The following ELAVL3 variants were observed in gnomAD, a reference collection of about 807,000 sequenced individuals.
ELAVL3 encodes the protein ELAV-like protein 3.
In ELAVL3, 8 loss-of-function variants were observed where a neutral mutation model predicts 34.2. The observed-to-expected ratio is 0.23, with a 90% confidence interval of 0.14 to 0.42. ELAVL3 has a LOEUF of 0.42. Ranked by LOEUF, ELAVL3 falls within the 10% of genes least tolerant of loss-of-function variation. The pLI, the probability that ELAVL3 is intolerant of heterozygous loss-of-function variation, is 1.00. For missense variants in ELAVL3, 273 were observed against 518.8 expected, an observed-to-expected ratio of 0.53 and a Z score of 4.60; for synonymous variants, 209 against 222.1, an observed-to-expected ratio of 0.94 and a Z score of 0.53.
At chr19:11,462,961 CAAAAA>C (rs1169791063) in intron 3 of ELAVL3, among the ~76,000 whole-genome samples, 3 of 73,054 alleles carry the variant, frequency 4.1e-5, no homozygotes, top group African/African-American at 4.0e-5. Context: ...GACTCCGTCT[CAAAAA>C]AAAAAAAAAA....
rs17001441 is a variant in ELAVL3 at position 11,476,087 on chromosome 19, G to C, written c.9+4513C>G. On this transcript the variant is annotated intron_variant, in intron 1 of 6. Coordinates refer to ENST00000359227, the MANE Select transcript of ELAVL3 (RefSeq NM_001420.4). ...TCTGCAAGGCACCCGCAGTGATGCA[G>C]TAACATGCACTGCACAGCTCTGCAT... Among the ~76,000 whole-genome samples, 1,430 of 152,328 alleles carry C rather than the reference G, an allele frequency of 9.4e-3. 17 individuals are homozygous for C. Among genetic ancestry groups the C allele is most frequent in the African/African-American group, 0.032 (1,350 of 41,566 alleles).
intron 3 of ELAVL3, among the ~76,000 whole-genome samples, chr19:11,463,904 G>A (rs1970943282): frequency 6.6e-6 from 1 of 151,764 alleles, no homozygotes; most frequent in Non-Finnish European, 1.5e-5. Flanking sequence ...GGGAGGCGGA[G>A]GTTGCAGTGG....
At chr19:11,479,554 G>A (rs1229449751) in intron 1 of ELAVL3, among the ~76,000 whole-genome samples, 2 of 151,922 alleles carry the variant, frequency 1.3e-5, no homozygotes, top group African/African-American at 2.4e-5. Flanking sequence ...GTGGAGCCGG[G>A]GTGGGGCTAT....
chr19:11,457,207 A>T (rs311788), intron 5 of ELAVL3, 59 bp from the exon 6 acceptor site: 95,742 of 1,501,680 alleles, frequency 0.064, 6,250 homozygotes, highest in African/African-American at 0.34. Flanking sequence ...CTGCTGTGAC[A>T]CCGTCGGCCT....
Position 11,451,975 on chromosome 19 carries a change from A to AG in ELAVL3, c.*2550dup, listed in dbSNP as rs1970654069. 1 of 152,256 alleles carries AG rather than the reference A, an allele frequency of 6.6e-6. No homozygotes were observed. The highest frequency in any genetic ancestry group is 2.1e-4 in the South Asian group (1 of 4,828). 9.4% of individuals were successfully genotyped at this position (152,256 alleles called of 1,614,324 possible). A position where few individuals can be genotyped will look rare whatever the true frequency, so the allele number is the denominator to read the frequency against. On this transcript the variant is annotated 3_prime_UTR_variant, in exon 7 of 7. Transcript: ENST00000359227. ...AGAGCCCCAAGAGACAGCAGGGGAG[A>AG]GGGGTCCCTGCCCTGCTGCAGGGGA... is the stretch of plus-strand genomic sequence containing the variant.
Position 11,480,517 on chromosome 19 carries a change from C to A in ELAVL3, c.9+83G>T. The A allele has an allele frequency of 1.4e-6, 2 of 1,420,130 alleles. No homozygotes were observed. Among genetic ancestry groups the A allele is most frequent in the Non-Finnish European group, 1.8e-6 (2 of 1,084,274 alleles). 88.0% of individuals were successfully genotyped at this position (1,420,130 alleles called of 1,614,324 possible). On this transcript the variant is annotated intron_variant, in intron 1 of 6. Transcript: ENST00000359227. The surrounding 1 kb of genome is among the most constrained non-coding windows in gnomAD (Gnocchi z 6.8). ...TAGCTAGGCCTGGTCCTACCCCCCC[C>A]GCCGCACCCGCCCAATCTCCGCGGA...
At chr19:11,478,218 A>G (rs890383279) in intron 1 of ELAVL3, among the ~76,000 whole-genome samples, 1 of 152,014 alleles carries the variant, frequency 6.6e-6, no homozygotes, top group African/African-American at 2.4e-5. Flanking sequence ...CCCCCCTCCC[A>G]TGGTGTCCCC....
chr19:11,474,291 C>A (rs189186570), intron 1 of ELAVL3, among the ~76,000 whole-genome samples: 2 of 151,960 alleles, frequency 1.3e-5, no homozygotes, highest in African/African-American at 2.4e-5. Flanking sequence ...CCTTAGTTTC[C>A]CAAAGTGCTA....
At chr19:11,465,673 G>T (rs1385530468) in intron 3 of ELAVL3, among the ~76,000 whole-genome samples, 1 of 152,168 alleles carries the variant, frequency 6.6e-6, no homozygotes, top group Non-Finnish European at 1.5e-5. Context: ...CCAGAGAGGG[G>T]GGTTTCCATG....
At chr19:11,462,055 A>G (rs550235379) in intron 3 of ELAVL3, among the ~76,000 whole-genome samples, 41 of 151,716 alleles carry the variant, frequency 2.7e-4, no homozygotes, top group Middle Eastern at 3.4e-3. Flanking sequence ...GGTGCCTGTA[A>G]TCCCAGCTAC....
chr19:11,478,395 C>T (rs1971303082), intron 1 of ELAVL3, among the ~76,000 whole-genome samples: 1 of 152,088 alleles, frequency 6.6e-6, no homozygotes, highest in South Asian at 2.1e-4. Context: ...TAATGGGGAT[C>T]AGATTGATGG....
intron 3 of ELAVL3, among the ~76,000 whole-genome samples, chr19:11,462,286 G>A (rs931524030): frequency 4.0e-5 from 6 of 150,346 alleles, no homozygotes; most frequent in Admixed American, 6.6e-5. Context: ...TGCACCTGGG[G>A]TTCTCCAGAA....
intron 1 of ELAVL3, among the ~76,000 whole-genome samples, chr19:11,467,640 T>C (rs1223755488): frequency 6.6e-6 from 1 of 151,546 alleles, no homozygotes; most frequent in East Asian, 2.0e-4. Flanking sequence ...CATGCCACTA[T>C]GCACAGCTAA....
chr19:11,465,896 C>T (rs1235093582), intron 3 of ELAVL3, among the ~76,000 whole-genome samples: 2 of 152,146 alleles, frequency 1.3e-5, no homozygotes, highest in East Asian at 1.9e-4. Flanking sequence ...ACCCTGGTCA[C>T]TCTGCCTTAC....
chr19:11,454,965 T>C lies in ELAVL3; in HGVS notation c.753-88A>G. ...CCTTCACACCTTTATGACCCCTGACTGTGCCATGACCTTGGAATGGTGTGA... is the reference window on the plus strand; with the variant it reads ...CCTTCACACCTTTATGACCCCTGACCGTGCCATGACCTTGGAATGGTGTGA... On this transcript the variant is annotated intron_variant, in intron 6 of 6. Transcript: ENST00000359227. The surrounding 1 kb of genome is among the most constrained non-coding windows in gnomAD (Gnocchi z 9.2). The C allele has an allele frequency of 1.4e-6, 2 of 1,415,354 alleles. No homozygotes were observed. Among genetic ancestry groups the C allele is most frequent in the Non-Finnish European group, 9.5e-7 (1 of 1,050,712 alleles). The allele number at this position is 1,415,354 out of a possible 1,614,324, so 87.7% of individuals were successfully genotyped here.
intron 1 of ELAVL3, among the ~76,000 whole-genome samples, chr19:11,470,512 C>CAAA (rs56714750): frequency 4.8e-5 from 6 of 124,814 alleles, no homozygotes; most frequent in African/African-American, 1.4e-4. Context: ...ACTAGAAATA[C>CAAA]AAAAAAAAAA....
At chr19:11,465,252 CACACCGCACACAT>C (rs1430438496) in intron 3 of ELAVL3, among the ~76,000 whole-genome samples, 18,233 of 140,334 alleles carry the variant, frequency 0.13, 2,167 homozygotes, top group African/African-American at 0.32. Flanking sequence ...CACACACATA[CACACCGCACACAT>C]ACACCACACA....
Position 11,458,994 on chromosome 19 carries a change from C to G in ELAVL3, c.334-383G>C, listed in dbSNP as rs190912624. Among the ~76,000 whole-genome samples the G allele has an allele frequency of 6.6e-6, 1 of 151,580 alleles. No homozygotes were observed. Among genetic ancestry groups the G allele is most frequent in the African/African-American group, 2.4e-5 (1 of 41,200 alleles). On this transcript the variant is annotated intron_variant, in intron 3 of 6. Coordinates refer to ENST00000359227, the MANE Select transcript of ELAVL3 (RefSeq NM_001420.4). This position sits in a 1 kb window ranked among gnomAD's most constrained non-coding sequence, Gnocchi z 7.3. ...ACAGGATCTCACTTTTTTACCCAGG[C>G]TGGAATGCAATGGTGTGATCTCAGC...
At chr19:11,462,903 A>T (rs1323407994) in intron 3 of ELAVL3, among the ~76,000 whole-genome samples, 2 of 150,276 alleles carry the variant, frequency 1.3e-5, no homozygotes, top group Non-Finnish European at 3.0e-5. Context: ...CAGAGGTTGC[A>T]GTGAGCCGAG....
Sources: allele counts gnomAD v4.1 joint callset (sites outside exome capture counted in the v4.1 genomes callset), GRCh38; gene constraint gnomAD v4.1.1; non-coding constraint Gnocchi (gnomAD v3.1); transcripts MANE v1.5; gene names NCBI Gene and HGNC (gene_info 2026-07-23, HGNC 2026-07-21).